The following SORCS1 variants were observed in gnomAD, a reference collection of about 807,000 sequenced individuals.
The protein encoded by SORCS1 is sortilin related VPS10 domain containing receptor 1.
A neutral mutation model predicts 146.1 loss-of-function variants in SORCS1; 60 were observed. The observed-to-expected ratio is 0.41, with a 90% CI of 0.33 to 0.51. The LOEUF is 0.51. Among genes scored for constraint, SORCS1 ranks in the 20% least tolerant of loss-of-function variants. SORCS1 has a pLI of 0.21. For synonymous variants in SORCS1, 637 were observed against 584.0 expected, an observed-to-expected ratio of 1.09 and a Z score of -1.31; for missense variants, 1,352 against 1,487.6, an observed-to-expected ratio of 0.91 and a Z score of 1.50.
chr10:107,047,925 A>G (rs1348693138), intron 1 of SORCS1, among the ~76,000 whole-genome samples: 1 of 152,078 alleles, frequency 6.6e-6, no homozygotes, highest in African/African-American at 2.4e-5. Flanking sequence ...TAAAAAAAAA[A>G]TACAAAGAGT....
At chr10:106,624,492 C>G (rs903479799) in intron 19 of SORCS1, among the ~76,000 whole-genome samples, 3 of 151,016 alleles carry the variant, frequency 2.0e-5, no homozygotes, top group Admixed American at 1.3e-4. Flanking sequence ...TCATGAGTAG[C>G]TGGGATTACA....
chr10:106,939,854 T>G (rs1001394261), intron 2 of SORCS1, among the ~76,000 whole-genome samples: 3 of 152,224 alleles, frequency 2.0e-5, no homozygotes, highest in South Asian at 4.1e-4. Flanking sequence ...TTCCTCATCC[T>G]ACGATATAAT....
chr10:106,755,900 A>G (rs1485914537), intron 5 of SORCS1, among the ~76,000 whole-genome samples: 1 of 152,142 alleles, frequency 6.6e-6, no homozygotes, highest in Non-Finnish European at 1.5e-5. Context: ...AGGCTGAGGC[A>G]GGCGGATTGC....
intron 5 of SORCS1, among the ~76,000 whole-genome samples, chr10:106,747,207 T>C (rs1255257164): frequency 6.6e-6 from 1 of 152,208 alleles, no homozygotes; most frequent in Non-Finnish European, 1.5e-5. Flanking sequence ...TTCTCTAAAT[T>C]ATAGAATTGT....
At chr10:106,903,343 G>A (rs556474227) in intron 2 of SORCS1, among the ~76,000 whole-genome samples, 1 of 152,250 alleles carries the variant, frequency 6.6e-6, no homozygotes, top group African/African-American at 2.4e-5. Flanking sequence ...TAAAGCCAAG[G>A]CCATACATCT....
chr10:106,630,654 G>A (rs150928194), intron 18 of SORCS1, among the ~76,000 whole-genome samples: 2 of 152,274 alleles, frequency 1.3e-5, no homozygotes, highest in East Asian at 3.9e-4. Flanking sequence ...TTAAAGAGTT[G>A]TAAAAACTAT....
chr10:106,956,141 A>G (rs1954928606), intron 2 of SORCS1, among the ~76,000 whole-genome samples: 1 of 152,062 alleles, frequency 6.6e-6, no homozygotes, highest in Non-Finnish European at 1.5e-5. Context: ...AAAAAAAAAA[A>G]AAAGTTTCCC....
chr10:106,692,595 G>A (rs949380756), intron 9 of SORCS1, among the ~76,000 whole-genome samples: 8 of 152,120 alleles, frequency 5.3e-5, no homozygotes, highest in Non-Finnish European at 1.0e-4. Flanking sequence ...CATTTTAAGT[G>A]GGCAAACTGT....
At chr10:106,807,289 A>G (rs968956303) in intron 3 of SORCS1, among the ~76,000 whole-genome samples, 3 of 152,186 alleles carry the variant, frequency 2.0e-5, no homozygotes, top group African/African-American at 7.2e-5. Flanking sequence ...TTGTGTGTAG[A>G]CAGAGACCAC....
chr10:106,990,752 T>G (rs1956732846), intron 1 of SORCS1, among the ~76,000 whole-genome samples: 1 of 152,188 alleles, frequency 6.6e-6, no homozygotes, highest in Non-Finnish European at 1.5e-5. Flanking sequence ...ATTTACTTAG[T>G]TAATGCATAA....
At chr10:106,816,723 T>A (rs12246594) in intron 3 of SORCS1, among the ~76,000 whole-genome samples, 4,194 of 152,222 alleles carry the variant, frequency 0.028, 142 homozygotes, top group East Asian at 0.15. Context: ...ATACATTTTC[T>A]TTTGCAGGTC....
At chr10:107,062,192 C>T (rs1242991736) in intron 1 of SORCS1, among the ~76,000 whole-genome samples, 5 of 152,022 alleles carry the variant, frequency 3.3e-5, no homozygotes. Flanking sequence ...AAATTTATAA[C>T]AATAATCTTT....
At chr10:106,918,183 C>A (rs954249555) in intron 2 of SORCS1, among the ~76,000 whole-genome samples, 1 of 152,078 alleles carries the variant, frequency 6.6e-6, no homozygotes, top group South Asian at 2.1e-4. Flanking sequence ...TTTTTTGATA[C>A]GGAGTCTCGC....
chr10:106,833,095 T>A (rs553313116), intron 2 of SORCS1, among the ~76,000 whole-genome samples: 1 of 152,204 alleles, frequency 6.6e-6, no homozygotes, highest in South Asian at 2.1e-4. Context: ...CAGATTTACA[T>A]TAGCAACATT....
chr10:106,775,102 A>G (rs1860327617), intron 4 of SORCS1, among the ~76,000 whole-genome samples: 1 of 152,250 alleles, frequency 6.6e-6, no homozygotes, highest in South Asian at 2.1e-4. Flanking sequence ...ATATTTGGGC[A>G]TCTCCTCCAG....
At chr10:106,678,971 GA>G (rs1308483673) in intron 12 of SORCS1, among the ~76,000 whole-genome samples, 2 of 152,174 alleles carry the variant, frequency 1.3e-5, no homozygotes, top group East Asian at 3.9e-4. Flanking sequence ...TCATCTGTGG[GA>G]AAAATTTAGT....
intron 7 of SORCS1, among the ~76,000 whole-genome samples, chr10:106,708,832 C>G (rs1854731508): frequency 6.6e-6 from 1 of 152,160 alleles, no homozygotes; most frequent in African/African-American, 2.4e-5. Flanking sequence ...TTGGCTGACC[C>G]TTTCCCAGAT....
chr10:107,170,576 C>A, the SORCS1 span, among the ~76,000 whole-genome samples: 58 of 152,200 alleles, frequency 3.8e-4, no homozygotes, highest in Non-Finnish European at 7.8e-4. Flanking sequence ...CAGAATACAA[C>A]TCTATAAAAT....
intron 1 of SORCS1, among the ~76,000 whole-genome samples, chr10:107,079,571 G>A (rs921394204): frequency 6.6e-6 from 1 of 152,204 alleles, no homozygotes; most frequent in Non-Finnish European, 1.5e-5. Context: ...GTAAGGCAAA[G>A]AGCCAGAACA....
Sources: allele counts gnomAD v4.1 joint callset (sites outside exome capture counted in the v4.1 genomes callset), GRCh38; gene constraint gnomAD v4.1.1; transcripts MANE v1.5; gene names NCBI Gene and HGNC (gene_info 2026-07-23, HGNC 2026-07-21).